Variants in SPAG16 observed in about 807,000 individuals in gnomAD.
SPAG16 encodes sperm-associated antigen 16 protein.
SPAG16 carries 86 observed loss-of-function variants against 80.4 expected under a neutral mutation model. The ratio of observed to expected loss-of-function variants is 1.07; its 90% confidence interval spans 0.90 to 1.28. The LOEUF is 1.28. Ranked by LOEUF, SPAG16 falls within the 50% of genes most tolerant of loss-of-function variation. SPAG16 has a pLI of 0.00. For missense variants in SPAG16, 870 were observed against 765.3 expected, an observed-to-expected ratio of 1.14 and a Z score of -1.61; for synonymous variants, 294 against 265.9, an observed-to-expected ratio of 1.11 and a Z score of -1.03.
intron 15 of SPAG16, among the ~76,000 whole-genome samples, chr2:214,232,560 A>G (rs1042891358): frequency 6.0e-5 from 9 of 151,048 alleles, no homozygotes; most frequent in Admixed American, 1.3e-4. Context: ...TAACTAAATT[A>G]CTGCTCACCT....
In SPAG16 at chr2:214,042,013, C is replaced by CAG. The variant is rs1553702180; in HGVS notation, c.1527+27937_1527+27938insGA. 2.5e-3 allele frequency among the ~76,000 whole-genome samples: 329 copies of CAG among 133,792 alleles called. 2 individuals are homozygous for CAG. Among genetic ancestry groups the CAG allele is most frequent in the African/African-American group, 8.7e-3 (306 of 35,258 alleles). 87.8% of individuals were successfully genotyped at this position (133,792 alleles called of 152,430 possible). A position where few individuals can be genotyped will look rare whatever the true frequency, so the allele number is the denominator to read the frequency against. On this transcript the variant is annotated intron_variant, in intron 13 of 15. Coordinates refer to ENST00000331683, the MANE Select transcript of SPAG16 (RefSeq NM_024532.5). ...ATATATATATATATATATATACACA[C>CAG]ACACACAAATATATACACAAACATG...
chr2:213,488,760 A>G (rs1377435929), intron 9 of SPAG16, among the ~76,000 whole-genome samples: 3 of 152,142 alleles, frequency 2.0e-5, no homozygotes, highest in African/African-American at 7.2e-5. Context: ...CTATACGAAT[A>G]TGTACTACTT....
intron 14 of SPAG16, among the ~76,000 whole-genome samples, chr2:214,139,849 G>A (rs1427960175): frequency 6.6e-6 from 1 of 152,108 alleles, no homozygotes; most frequent in Non-Finnish European, 1.5e-5. Context: ...ACAGATAACA[G>A]ACCCTTTATC....
At chr2:213,804,499 C>G in intron 10 of SPAG16, among the ~76,000 whole-genome samples, 1 of 152,008 alleles carries the variant, frequency 6.6e-6, no homozygotes, top group Non-Finnish European at 1.5e-5. Context: ...CTGGCTAACA[C>G]GGTGAAACCC....
chr2:213,615,034 T>C (rs2061548462), intron 10 of SPAG16, among the ~76,000 whole-genome samples: 1 of 152,184 alleles, frequency 6.6e-6, no homozygotes, highest in Non-Finnish European at 1.5e-5. Context: ...TTAGAACCAC[T>C]TTATTGATAA....
intron 10 of SPAG16, among the ~76,000 whole-genome samples, chr2:213,659,265 C>CA (rs1283879511): frequency 6.6e-6 from 1 of 150,604 alleles, no homozygotes; most frequent in Non-Finnish European, 1.5e-5. Flanking sequence ...AGAAAGTGTA[C>CA]ATTCTCAGTG....
At chr2:213,728,271 CT>C (rs2066864494) in intron 10 of SPAG16, among the ~76,000 whole-genome samples, 1 of 152,162 alleles carries the variant, frequency 6.6e-6, no homozygotes, top group Non-Finnish European at 1.5e-5. Flanking sequence ...AGAGATTCAG[CT>C]TGTGGAGCTT....
chr2:213,338,159 C>A (rs1228186292), intron 5 of SPAG16, among the ~76,000 whole-genome samples: 1 of 152,130 alleles, frequency 6.6e-6, no homozygotes, highest in Non-Finnish European at 1.5e-5. Context: ...TTCAGACAAG[C>A]AAATGCTGAG....
At chr2:214,322,496 G>A (rs1347708016) in intron 15 of SPAG16, among the ~76,000 whole-genome samples, 1 of 128,158 alleles carries the variant, frequency 7.8e-6, no homozygotes, top group South Asian at 3.1e-4. Context: ...ATACAGAAAT[G>A]CCTCACCTTA....
At chr2:214,199,759 A>G (rs916236347) in intron 15 of SPAG16, among the ~76,000 whole-genome samples, 4 of 152,056 alleles carry the variant, frequency 2.6e-5, no homozygotes, top group Non-Finnish European at 5.9e-5. Context: ...ATTTGTTTGT[A>G]TCATCTATGA....
At chr2:214,071,804 A>G (rs1387982015) in intron 13 of SPAG16, among the ~76,000 whole-genome samples, 1 of 152,130 alleles carries the variant, frequency 6.6e-6, no homozygotes, top group African/African-American at 2.4e-5. Flanking sequence ...AGGATCTAGG[A>G]TGAAGAACAC....
intron 5 of SPAG16, among the ~76,000 whole-genome samples, chr2:213,335,528 A>G (rs905800221): frequency 6.6e-6 from 1 of 152,200 alleles, no homozygotes; most frequent in African/African-American, 2.4e-5. Flanking sequence ...ACTTCATTCA[A>G]TATCAGTATC....
Position 213,371,930 on chromosome 2 carries a change from C to G in SPAG16, c.833-3080C>G, listed in dbSNP as rs554396579. ...CCTAATCTGATCTGAAAAGAGTTTT[C>G]AATTTTACATTTATTCTTTATGGTA... On this transcript the variant is annotated intron_variant, in intron 8 of 15. Coordinates refer to ENST00000331683, the MANE Select transcript of SPAG16 (RefSeq NM_024532.5). Among the ~76,000 whole-genome samples the G allele has an allele frequency of 3.9e-5, 6 of 152,144 alleles. No homozygotes were observed. In the South Asian group the frequency reaches 1.0e-3, roughly 26 times the overall value.
At chr2:214,245,508 TTAA>T (rs1381805669) in intron 15 of SPAG16, among the ~76,000 whole-genome samples, 1 of 152,176 alleles carries the variant, frequency 6.6e-6, no homozygotes, top group East Asian at 1.9e-4. Flanking sequence ...ATCAAAAGAA[TTAA>T]TAATATATTG....
At chr2:214,269,556 T>G (rs1308067024) in intron 15 of SPAG16, among the ~76,000 whole-genome samples, 2 of 152,074 alleles carry the variant, frequency 1.3e-5, no homozygotes, top group African/African-American at 2.4e-5. Flanking sequence ...CTAAATGCAA[T>G]AAATTTAGTG....
intron 15 of SPAG16, among the ~76,000 whole-genome samples, chr2:214,392,161 ATTT>A (rs1039763588): frequency 1.3e-5 from 2 of 151,736 alleles, no homozygotes; most frequent in Non-Finnish European, 2.9e-5. Flanking sequence ...CAGTCTCAGA[ATTT>A]TTTTTCTTCT....
chr2:214,132,958 G>T (rs2054855814), intron 14 of SPAG16, among the ~76,000 whole-genome samples: 1 of 152,018 alleles, frequency 6.6e-6, no homozygotes, highest in Non-Finnish European at 1.5e-5. Context: ...CAGGCGTGGT[G>T]GCAGACGCCT....
At chr2:213,359,724 C>T (rs2065871189) in intron 7 of SPAG16, among the ~76,000 whole-genome samples, 1 of 152,126 alleles carries the variant, frequency 6.6e-6, no homozygotes, top group African/African-American at 2.4e-5. Flanking sequence ...CAACCCCTTG[C>T]ACTCCTGGGT....
chr2:214,121,283 A>T (rs532525016), intron 14 of SPAG16, among the ~76,000 whole-genome samples: 11 of 151,994 alleles, frequency 7.2e-5, no homozygotes, highest in African/African-American at 2.6e-4. Context: ...TTGTATCATT[A>T]GATCTTATTT....
Sources: allele counts gnomAD v4.1 joint callset (sites outside exome capture counted in the v4.1 genomes callset), GRCh38; gene constraint gnomAD v4.1.1; transcripts MANE v1.5; gene names NCBI Gene and HGNC (gene_info 2026-07-23, HGNC 2026-07-21).